Variants in HDAC9 observed in about 807,000 individuals in gnomAD.
The protein encoded by HDAC9 is histone deacetylase 9.
HDAC9 carries 41 observed loss-of-function variants against 139.4 expected under a neutral mutation model. That is an observed-to-expected ratio of 0.29 (90% CI 0.23 to 0.38). The LOEUF (loss-of-function observed/expected upper bound fraction) is 0.38, where lower values mean the gene tolerates loss of function less well. Among genes scored for constraint, HDAC9 ranks in the 10% least tolerant of loss-of-function variants. The pLI is 1.00. For missense variants in HDAC9, 1,147 were observed against 1,297.0 expected, an observed-to-expected ratio of 0.88 and a Z score of 1.78; for synonymous variants, 517 against 476.2, an observed-to-expected ratio of 1.09 and a Z score of -1.12.
chr7:18,531,479 A>G (rs1808916522), intron 2 of HDAC9, among the ~76,000 whole-genome samples: 1 of 152,142 alleles, frequency 6.6e-6, no homozygotes, highest in Non-Finnish European at 1.5e-5. Flanking sequence ...TATGTAATTA[A>G]GAACCAAATG....
At chr7:18,718,523 G>A (rs1562879228) in intron 12 of HDAC9, among the ~76,000 whole-genome samples, 1 of 152,166 alleles carries the variant, frequency 6.6e-6, no homozygotes, top group Non-Finnish European at 1.5e-5. Flanking sequence ...GTGAGCCACC[G>A]TGCCTGGCAG....
At chr7:18,273,498 G>A (rs1796522148) in intron 2 of HDAC9, among the ~76,000 whole-genome samples, 2 of 152,134 alleles carry the variant, frequency 1.3e-5, no homozygotes. Flanking sequence ...CAGTGGGAAA[G>A]GGATGAGTCA....
upstream of HDAC9, among the ~76,000 whole-genome samples, chr7:18,285,782 C>T (rs1002254264): frequency 6.6e-6 from 1 of 152,002 alleles, no homozygotes; most frequent in Non-Finnish European, 1.5e-5. Context: ...ACTTTGTGTT[C>T]CAGTGGTAGT....
intron 1 of HDAC9, among the ~76,000 whole-genome samples, chr7:18,094,882 T>A (rs1257429409): frequency 2.0e-5 from 3 of 152,166 alleles, no homozygotes; most frequent in Non-Finnish European, 4.4e-5. Flanking sequence ...CCTGAGAGAA[T>A]ACATCGACGT....
intron 16 of HDAC9, among the ~76,000 whole-genome samples, chr7:18,776,784 A>C (rs75674253): frequency 6.6e-6 from 1 of 151,860 alleles, no homozygotes; most frequent in Non-Finnish European, 1.5e-5. Context: ...ACAGAGAATA[A>C]TAAGATCCAT....
chr7:18,835,419 CAA>C (rs760783890), intron 19 of HDAC9, 46 bp from the exon 20 acceptor site: 1 of 1,557,320 alleles, frequency 6.4e-7, no homozygotes, highest in Non-Finnish European at 8.7e-7. Flanking sequence ...TGTCTCCACA[CAA>C]AGTTAGACAT....
chr7:18,582,405 A>C (rs1828097903), intron 2 of HDAC9, among the ~76,000 whole-genome samples: 2 of 152,166 alleles, frequency 1.3e-5, no homozygotes, highest in South Asian at 4.1e-4. Flanking sequence ...GTGCTCGATA[A>C]GGGCTGGAAT....
chr7:18,955,163 C>A (rs953931547), intron 24 of HDAC9, among the ~76,000 whole-genome samples: 2 of 151,978 alleles, frequency 1.3e-5, no homozygotes, highest in Admixed American at 6.6e-5. Flanking sequence ...GAAAAATAAA[C>A]CTTCAAATGC....
chr7:18,521,244 G>A (rs1198910232), intron 2 of HDAC9, among the ~76,000 whole-genome samples: 3 of 152,026 alleles, frequency 2.0e-5, no homozygotes, highest in Non-Finnish European at 4.4e-5. Flanking sequence ...CTTGCTTTTT[G>A]CATTTTGAAT....
chr7:18,096,840 C>T (rs1419954899), intron 1 of HDAC9, among the ~76,000 whole-genome samples: 1 of 150,868 alleles, frequency 6.6e-6, no homozygotes, highest in East Asian at 1.9e-4. Flanking sequence ...ATGAGAAGTG[C>T]CTAATAAATG....
At chr7:18,616,044 G>C (rs189337314) in intron 6 of HDAC9, among the ~76,000 whole-genome samples, 1 of 152,154 alleles carries the variant, frequency 6.6e-6, no homozygotes, top group Non-Finnish European at 1.5e-5. Flanking sequence ...GCTGTGGGCT[G>C]TCCCATCCTC....
intron 22 of HDAC9, among the ~76,000 whole-genome samples, chr7:18,889,100 A>G (rs1800440094): frequency 6.6e-6 from 1 of 152,034 alleles, no homozygotes; most frequent in African/African-American, 2.4e-5. Flanking sequence ...TGTACTCTCT[A>G]CCCTACTCTA....
chr7:18,889,979 C>T (rs182370099), intron 22 of HDAC9, among the ~76,000 whole-genome samples: 324 of 152,284 alleles, frequency 2.1e-3, no homozygotes, highest in Non-Finnish European at 4.1e-3. Context: ...GGATTACAGG[C>T]GTGAGCCACC....
chr7:18,436,756 A>G (rs1333634380), intron 1 of HDAC9, among the ~76,000 whole-genome samples: 2 of 152,218 alleles, frequency 1.3e-5, no homozygotes, highest in African/African-American at 4.8e-5. Flanking sequence ...TGTTAGCAGT[A>G]GGCAGATAAT....
intron 2 of HDAC9, among the ~76,000 whole-genome samples, chr7:18,507,988 G>T (rs1800324899): frequency 6.6e-6 from 1 of 152,208 alleles, no homozygotes. Context: ...AGATGAAATT[G>T]TTTGAAGCTT....
At chr7:18,482,422 C>T (rs933058783) in intron 1 of HDAC9, among the ~76,000 whole-genome samples, 1 of 56,508 alleles carries the variant, frequency 1.8e-5, no homozygotes. Context: ...AAAAAATTCT[C>T]CTTGGCTGCC....
chr7:18,881,018 T>G (rs796882497), intron 22 of HDAC9, among the ~76,000 whole-genome samples: 9 of 152,186 alleles, frequency 5.9e-5, no homozygotes, highest in African/African-American at 1.7e-4. Context: ...AATTTAGACT[T>G]AACAGTGAGT....
intron 1 of HDAC9, among the ~76,000 whole-genome samples, chr7:18,448,099 A>AT (rs1792463816): frequency 1.3e-5 from 2 of 152,128 alleles, no homozygotes; most frequent in Non-Finnish European, 2.9e-5. Flanking sequence ...TCCAGGCCTC[A>AT]AGTGATCCAC....
intron 1 of HDAC9, among the ~76,000 whole-genome samples, chr7:18,303,002 A>G (rs1166990836): frequency 1.3e-5 from 2 of 151,862 alleles, no homozygotes; most frequent in Admixed American, 6.6e-5. Flanking sequence ...TTGTTTGTCA[A>G]TTGTTTTTTT....
Sources: allele counts gnomAD v4.1 joint callset (sites outside exome capture counted in the v4.1 genomes callset), GRCh38; gene constraint gnomAD v4.1.1; transcripts MANE v1.5; gene names NCBI Gene and HGNC (gene_info 2026-07-23, HGNC 2026-07-21).